Variants in GPCPD1 observed in about 807,000 individuals in gnomAD.
The protein encoded by GPCPD1 is glycerophosphocholine phosphodiesterase GPCPD1.
GPCPD1 carries 29 observed loss-of-function variants against 89.2 expected under a neutral mutation model. The observed-to-expected ratio is 0.33, with a 90% confidence interval of 0.24 to 0.44. The LOEUF (loss-of-function observed/expected upper bound fraction) is 0.44, where lower values mean the gene tolerates loss of function less well. Ranked by LOEUF, GPCPD1 falls within the 20% of genes least tolerant of loss-of-function variation. The pLI is 1.00. For synonymous variants in GPCPD1, 258 were observed against 266.3 expected (o/e 0.97, Z 0.30); for missense variants, 594 against 808.9 (o/e 0.73, Z 3.22).
intron 11 of GPCPD1, among the ~76,000 whole-genome samples, chr20:5,571,765 T>C (rs1355622597): frequency 6.6e-6 from 1 of 152,006 alleles, no homozygotes; most frequent in Non-Finnish European, 1.5e-5. Flanking sequence ...AAAAATTAGC[T>C]GGGCATGGTG....
chr20:5,556,306 C>G (rs1985765270), intron 19 of GPCPD1, among the ~76,000 whole-genome samples: 1 of 152,088 alleles, frequency 6.6e-6, no homozygotes, highest in Admixed American at 6.5e-5. Flanking sequence ...CTCCTGGGTT[C>G]AAGTGATTCT....
At chr20:5,596,473 G>C (rs1294861241) in intron 3 of GPCPD1, among the ~76,000 whole-genome samples, 2 of 152,148 alleles carry the variant, frequency 1.3e-5, no homozygotes, top group Non-Finnish European at 2.9e-5. Context: ...AACCAGGAAA[G>C]ACGGGTAGTC....
At chr20:5,582,186 CAAAAAAAAAAAAAAA>C (rs1164754193) in intron 6 of GPCPD1, among the ~76,000 whole-genome samples, 59 of 36,282 alleles carry the variant, frequency 1.6e-3, no homozygotes, top group Middle Eastern at 0.026. Context: ...ACTCCCGTCT[CAAAAAAAAAAAAAAA>C]AAAAAAAAAA....
At chr20:5,596,540 A>G (rs1979743909) in intron 3 of GPCPD1, among the ~76,000 whole-genome samples, 1 of 152,186 alleles carries the variant, frequency 6.6e-6, no homozygotes, top group South Asian at 2.1e-4. Context: ...CCTTTCCCAA[A>G]ATACCATAAA....
At chr20:5,549,511 A>C in intron 19 of GPCPD1, 4 of 1,123,374 alleles carry the variant, frequency 3.6e-6, no homozygotes, top group Non-Finnish European at 5.3e-6. Context: ...TCTTCTGAGT[A>C]TTCTCATAAG....
At chr20:5,603,230 T>A (rs1600808253) in intron 2 of GPCPD1, among the ~76,000 whole-genome samples, 3 of 152,030 alleles carry the variant, frequency 2.0e-5, no homozygotes, top group African/African-American at 7.2e-5. Flanking sequence ...GAGGCGGAGG[T>A]TGCAGTGAGC....
At chr20:5,585,649 T>C (rs1978871285) in intron 5 of GPCPD1, 1 of 151,114 alleles carries the variant, frequency 6.6e-6, no homozygotes, top group Admixed American at 6.6e-5. Flanking sequence ...AAGAAAACTT[T>C]CCAAGTAGCA....
chr20:5,556,176 C>T (rs1015298231), intron 19 of GPCPD1, among the ~76,000 whole-genome samples: 1 of 152,098 alleles, frequency 6.6e-6, no homozygotes, highest in African/African-American at 2.4e-5. Context: ...AGACACAACG[C>T]TACTGTACAC....
intron 8 of GPCPD1, among the ~76,000 whole-genome samples, chr20:5,577,543 A>G (rs956184685): frequency 2.6e-5 from 4 of 152,080 alleles, no homozygotes; most frequent in African/African-American, 7.2e-5. Flanking sequence ...GAAAGAAGTC[A>G]TCAAAATTTC....
chr20:5,604,774 T>TACACACACACACACACACAC (rs11466989), intron 1 of GPCPD1, among the ~76,000 whole-genome samples: 3,088 of 139,034 alleles, frequency 0.022, 57 homozygotes, highest in Non-Finnish European at 0.032. Flanking sequence ...GCCTCATGTC[T>TACACACACACACACACACAC]ACACACACAC....
intron 10 of GPCPD1, 126 bp downstream of exon 10, chr20:5,575,287 C>G (rs1260704054): frequency 2.8e-6 from 2 of 709,852 alleles, no homozygotes; most frequent in East Asian, 5.4e-5. Flanking sequence ...ACCCCAATTA[C>G]CAAATTACAC....
rs71197771 is a variant in GPCPD1 at position 5,590,542 on chromosome 20, C to CAAAAAAA, written c.231+2778_231+2784dup. ...TGGGCGACAGAACAAGACTCTGTCTCAAAAAAAAAAATCTCTATTTTTAGT... is the reference window on the plus strand; with the variant it reads ...TGGGCGACAGAACAAGACTCTGTCTCAAAAAAAAAAAAAAAAAATCTCTATTTTTAGT... On this transcript the variant is annotated intron_variant, in intron 4 of 19. Coordinates refer to ENST00000379019, the MANE Select transcript of GPCPD1 (RefSeq NM_019593.5). 5.1e-4 allele frequency among the ~76,000 whole-genome samples: 40 copies of CAAAAAAA among 78,984 alleles called. 1 individual carries two copies. The highest frequency in any genetic ancestry group is 2.2e-3 in the African/African-American group (33 of 14,886). 51.8% of individuals were successfully genotyped at this position (78,984 alleles called of 152,430 possible).
At chr20:5,580,738 A>AG (rs938090550) in intron 6 of GPCPD1, among the ~76,000 whole-genome samples, 34 of 151,760 alleles carry the variant, frequency 2.2e-4, no homozygotes, top group Non-Finnish European at 1.5e-4. Flanking sequence ...AAAAAAAAAA[A>AG]AAAAGAAAAA....
chr20:5,577,730 C>T (rs1220164344), intron 8 of GPCPD1, among the ~76,000 whole-genome samples: 1 of 151,886 alleles, frequency 6.6e-6, no homozygotes, highest in Non-Finnish European at 1.5e-5. Context: ...GGAGGTGGAG[C>T]TAGAGGGTAA....
intron 12 of GPCPD1, among the ~76,000 whole-genome samples, chr20:5,569,723 C>T (rs1986599157): frequency 1.3e-5 from 2 of 152,148 alleles, no homozygotes; most frequent in African/African-American, 2.4e-5. Context: ...TTCACTGAGG[C>T]CCTCCACCAT....
intron 4 of GPCPD1, among the ~76,000 whole-genome samples, chr20:5,586,596 TA>T (rs1978939731): frequency 1.3e-5 from 2 of 152,342 alleles, no homozygotes; most frequent in Middle Eastern, 6.8e-3. Flanking sequence ...ATTCTTAAGA[TA>T]AATATCATAT....
intron 12 of GPCPD1, among the ~76,000 whole-genome samples, chr20:5,569,398 T>C (rs532781789): frequency 3.3e-5 from 5 of 152,316 alleles, no homozygotes; most frequent in South Asian, 2.1e-4. Flanking sequence ...GGTTACATAG[T>C]ATACTGACGT....
chr20:5,608,000 T>C (rs894927430), intron 1 of GPCPD1, among the ~76,000 whole-genome samples: 5 of 152,116 alleles, frequency 3.3e-5, no homozygotes, highest in Non-Finnish European at 7.4e-5. Context: ...CTCATATACA[T>C]GATTAAATAG....
At chr20:5,564,933 G>A in intron 15 of GPCPD1, 84 bp downstream of exon 15, 2 of 751,032 alleles carry the variant, frequency 2.7e-6, no homozygotes, top group East Asian at 2.4e-5. Flanking sequence ...AGCCTTTTTA[G>A]GATCCTTTTA....
Sources: gnomAD v4.1 joint callset for allele counts (sites outside exome capture counted in the v4.1 genomes callset) on GRCh38, gnomAD v4.1.1 for gene constraint, MANE v1.5 for transcripts, NCBI Gene and HGNC (gene_info 2026-07-23, HGNC 2026-07-21) for gene names.